The following ALMS1 variants were observed in gnomAD, a reference collection of about 807,000 sequenced individuals.
ALMS1 encodes centrosome-associated protein ALMS1.
A neutral mutation model predicts 352.2 loss-of-function variants in ALMS1; 271 were observed. The ratio of observed to expected loss-of-function variants is 0.77; its 90% CI spans 0.70 to 0.85. The LOEUF (loss-of-function observed/expected upper bound fraction) is 0.85. Among genes scored for constraint, ALMS1 ranks in the 40% least tolerant of loss-of-function variants. The pLI, the probability that ALMS1 is intolerant of heterozygous loss-of-function variation, is 0.00. For missense variants in ALMS1, 5,445 were observed against 4,870.7 expected (o/e 1.12, Z -3.51); for synonymous variants, 1,865 against 1,761.2 (o/e 1.06, Z -1.48).
intron 9 of ALMS1, among the ~76,000 whole-genome samples, chr2:73,473,848 A>G (rs1416387270): frequency 6.6e-6 from 1 of 152,086 alleles, no homozygotes; most frequent in Non-Finnish European, 1.5e-5. Flanking sequence ...AGAGAAAAGA[A>G]TAAAGAAAAT....
At chr2:73,508,901 G>A (rs1251732945) in intron 10 of ALMS1, among the ~76,000 whole-genome samples, 2 of 152,128 alleles carry the variant, frequency 1.3e-5, no homozygotes, top group Admixed American at 1.3e-4. Flanking sequence ...GAATCTGGGT[G>A]CTCTTGTATT....
rs1362419512 is a variant in ALMS1 at position 73,448,418 on chromosome 2, T to C, written c.1891T>C (p.Phe631Leu). Residue 631 changes from phenylalanine to leucine, a missense_variant, in exon 8 of 23, where the codon TTT becomes CTT. Coordinates refer to ENST00000613296, the MANE Select transcript of ALMS1 (RefSeq NM_001378454.1). ...SYSHREKPGT[F>L]YQQELPESNL... is the part of the protein sequence containing the mutation. The stretch of plus-strand genomic sequence containing the variant: ...CTCACATAGAGAGAAGCCTGGTACT[T>C]TTTACCAACAAGAGTTACCAGAGAG... 1 of 1,613,952 alleles carries C rather than the reference T, an allele frequency of 6.2e-7. No individual in the cohort carries two copies. Among genetic ancestry groups the C allele is most frequent in the Non-Finnish European group, 8.5e-7 (1 of 1,179,918 alleles).
rs10526164 is a variant in ALMS1 at position 73,474,411 on chromosome 2, C to CTGTGTCTGTGTCTGTG, written c.7675-15222_7675-15221insGTGTCTGTGTCTGTGT. On this transcript the variant is annotated intron_variant, in intron 9 of 22. Transcript: ENST00000613296. The stretch of plus-strand genomic sequence containing the variant: ...TGTGTGTGTGTGTGTGTGTGTGTGT[C>CTGTGTCTGTGTCTGTG]TATTGGTTTACATGACGGTGAAGAA... Among the ~76,000 whole-genome samples the CTGTGTCTGTGTCTGTG allele has an allele frequency of 8.5e-3, 1,259 of 148,510 alleles. 30 individuals are homozygous for CTGTGTCTGTGTCTGTG. Among genetic ancestry groups the CTGTGTCTGTGTCTGTG allele is most frequent in the African/African-American group, 0.029 (1,175 of 39,894 alleles).
rs771994237 is a variant in ALMS1, at chr2:73,419,291, A to T, written c.619A>T (p.Arg207Ter). 4 of 1,613,956 alleles carry T rather than the reference A, an allele frequency of 2.5e-6. No homozygotes were observed. The African/African-American group carries it at 5.3e-5, about 22-fold the overall frequency. Reference protein sequence around the residue: ...QSENQVKEPNRDLFCSPLLVI... With the variant: ...QSENQVKEPN ...AGAAAATCAAGTAAAGGAACCCAAC[A>T]GAGATCTCTTCTGTTCTCCACTGCT... Residue 207 changes from arginine (R) to a stop codon, truncating the protein, a stop_gained, in exon 3 of 23, where the codon AGA becomes TGA. Transcript: ENST00000613296. LOFTEE classifies it high-confidence loss of function.
intron 11 of ALMS1, among the ~76,000 whole-genome samples, chr2:73,533,081 C>T (rs1673955521): frequency 6.6e-6 from 1 of 152,216 alleles, no homozygotes; most frequent in Non-Finnish European, 1.5e-5. Flanking sequence ...CATTCTGTGG[C>T]TGAGCTAGTA....
In ALMS1 at chr2:73,386,186, G is replaced by T. The variant is rs2104060473; in HGVS notation, c.318G>T (p.Leu106=). 6.5e-7 allele frequency: 1 copy of T among 1,539,568 alleles called. No homozygotes were observed. The highest frequency in any genetic ancestry group is 2.5e-5 in the East Asian group (1 of 40,286). Residue 106 remains leucine, a synonymous_variant, in exon 1 of 23, where the codon CTG becomes CTT. Transcript: ENST00000613296. ...ACTCGGAGGGCGAGCGGACCTCCCT[G>T]GAGAAGGTGAGGCGGGCCGGGGAGG... ...HRYSEGERTS[L]EKIVPLTCHV...
intron 1 of ALMS1, among the ~76,000 whole-genome samples, chr2:73,404,847 T>A (rs1026807700): frequency 1.3e-5 from 2 of 151,228 alleles, no homozygotes; most frequent in Non-Finnish European, 2.9e-5. Flanking sequence ...TGGTGTTAAT[T>A]CTTCTTTAAA....
intron 9 of ALMS1, among the ~76,000 whole-genome samples, chr2:73,486,426 C>T (rs896141836): frequency 7.9e-5 from 12 of 152,262 alleles, no homozygotes; most frequent in African/African-American, 2.4e-4. Flanking sequence ...CTAGTTTTTT[C>T]TGTGATGGTT....
chr2:73,538,419 C>T (rs1003590424), intron 12 of ALMS1, among the ~76,000 whole-genome samples: 9 of 152,036 alleles, frequency 5.9e-5, no homozygotes, highest in African/African-American at 1.9e-4. Context: ...CCAAGATGGC[C>T]GAATAGGAAG....
chr2:73,498,637 TAG>T (rs1455293654), intron 10 of ALMS1, among the ~76,000 whole-genome samples: 4 of 152,114 alleles, frequency 2.6e-5, no homozygotes, highest in African/African-American at 4.8e-5. Context: ...TTTGGATTTT[TAG>T]ATTCCACAAA....
At chr2:73,538,950 C>T (rs1674096670) in intron 12 of ALMS1, among the ~76,000 whole-genome samples, 1 of 152,204 alleles carries the variant, frequency 6.6e-6, no homozygotes, top group Admixed American at 6.5e-5. Flanking sequence ...TAGACTCCAC[C>T]TCTGGGGGCA....
intron 3 of ALMS1, among the ~76,000 whole-genome samples, chr2:73,419,612 G>A (rs1671247601): frequency 6.6e-6 from 1 of 152,216 alleles, no homozygotes; most frequent in East Asian, 1.9e-4. Context: ...CAGAGTTTTT[G>A]GGATGAATAG....
At chr2:73,506,837 G>A (rs1673337995) in intron 10 of ALMS1, among the ~76,000 whole-genome samples, 1 of 152,028 alleles carries the variant, frequency 6.6e-6, no homozygotes, top group Non-Finnish European at 1.5e-5. Context: ...GTGGTGAGAG[G>A]CCATCCTTGC....
intron 10 of ALMS1, among the ~76,000 whole-genome samples, chr2:73,496,279 G>C (rs779806056): frequency 9.2e-5 from 14 of 152,150 alleles, no homozygotes; most frequent in Non-Finnish European, 1.9e-4. Context: ...GGCAGTCCCT[G>C]GTCTGTATTC....
At position 73,516,827 on chromosome 2, in the gene ALMS1, C is replaced by CA; in HGVS notation, c.9540-2948_9540-2947insA. The stretch of plus-strand genomic sequence containing the variant: ...GCCCTTCTGACTTTTGACTGAGAGT[C>CA]TAGTGAGTCTTTAATTCCTTACCTT... On this transcript the variant is annotated intron_variant, in intron 10 of 22. Coordinates refer to ENST00000613296, the MANE Select transcript of ALMS1 (RefSeq NM_001378454.1). Among the ~76,000 whole-genome samples the CA allele has an allele frequency of 2.0e-5, 3 of 152,310 alleles. 1 individual carries two copies. The East Asian group carries it at 5.8e-4, about 29-fold the overall frequency.
intron 9 of ALMS1, among the ~76,000 whole-genome samples, chr2:73,468,259 G>A (rs903417089): frequency 6.6e-6 from 1 of 151,800 alleles, no homozygotes; most frequent in Admixed American, 6.6e-5. Context: ...ATTTTGAAAG[G>A]CTAGTAGAAG....
At chr2:73,562,207 C>T (rs1674678792) in intron 15 of ALMS1, among the ~76,000 whole-genome samples, 1 of 151,788 alleles carries the variant, frequency 6.6e-6, no homozygotes, top group Non-Finnish European at 1.5e-5. Flanking sequence ...ATTCTGTTGC[C>T]CAGGCTGGAG....
chr2:73,464,324 C>A (rs1383910243), intron 9 of ALMS1, among the ~76,000 whole-genome samples: 5 of 152,090 alleles, frequency 3.3e-5, no homozygotes, highest in African/African-American at 7.2e-5. Context: ...CCAGCATATA[C>A]ACAGAACCAA....
chr2:73,413,487 G>T (rs1400286919), intron 2 of ALMS1, among the ~76,000 whole-genome samples: 1 of 151,928 alleles, frequency 6.6e-6, no homozygotes, highest in Non-Finnish European at 1.5e-5. Flanking sequence ...TCATAGTGGG[G>T]GTCTGTCCTG....
Sources: allele counts gnomAD v4.1 joint callset (sites outside exome capture counted in the v4.1 genomes callset), GRCh38; gene constraint gnomAD v4.1.1; transcripts MANE v1.5; gene names NCBI Gene and HGNC (gene_info 2026-07-23, HGNC 2026-07-21).